Variants in SGCE observed in about 807,000 individuals in gnomAD.
SGCE encodes sarcoglycan epsilon.
Under a neutral mutation model 57.8 loss-of-function variants are expected in SGCE, and 26 were observed. The observed-to-expected ratio is 0.45, with a 90% CI of 0.33 to 0.62. The LOEUF is 0.62. Ranked by LOEUF, SGCE falls within the 20% of genes least tolerant of loss-of-function variation. The probability of loss-of-function intolerance (pLI) is 0.02; values close to 1 mark genes in which losing one functional copy is unlikely to be tolerated. For synonymous variants in SGCE, 183 were observed against 189.5 expected, an observed-to-expected ratio of 0.97 and a Z score of 0.28; for missense variants, 468 against 548.6, an observed-to-expected ratio of 0.85 and a Z score of 1.47.
chr7:94,625,848 G>A (rs1272955251), intron 3 of SGCE: 4 of 152,018 alleles, frequency 2.6e-5, no homozygotes, highest in African/African-American at 4.8e-5. Flanking sequence ...AATGTTGCTT[G>A]ATGAGCATGA....
chr7:94,639,256 C>T, intron 1 of SGCE: 4 of 849,480 alleles, frequency 4.7e-6, no homozygotes, highest in Non-Finnish European at 7.2e-6. Flanking sequence ...AAAAGCCACA[C>T]ATGACTAAAA....
intron 4 of SGCE, chr7:94,619,757 CACA>C (rs1802488961): frequency 6.6e-6 from 1 of 152,162 alleles, no homozygotes; most frequent in Non-Finnish European, 1.5e-5. Context: ...ATTTAATTCT[CACA>C]ACAAGAGGGT....
chr7:94,619,768 G>T (rs1802491796), intron 4 of SGCE: 1 of 152,122 alleles, frequency 6.6e-6, no homozygotes, highest in African/African-American at 2.4e-5. Context: ...ACAACAAGAG[G>T]GTGTGTAGCT....
In SGCE at chr7:94,619,552, T is replaced by C. The variant is rs1398262610; in HGVS notation, c.464-596A>G. 2.0e-5 allele frequency: 3 copies of C among 152,304 alleles called. No individual in the cohort carries two copies. The East Asian group carries it at 5.8e-4, about 29-fold the overall frequency. The allele number at this position is 152,304 out of a possible 1,614,324, so 9.4% of individuals were successfully genotyped here. On this transcript the variant is annotated intron_variant, in intron 4 of 10. Transcript: ENST00000648936. ...AATTCAGCCTTTCAATATGAGAAAC[T>C]GTAAGTAAATATAATTTGTTACTCA...
At chr7:94,644,588 T>C (rs1584761541) in intron 1 of SGCE, 5 of 1,199,602 alleles carry the variant, frequency 4.2e-6, no homozygotes, top group South Asian at 1.3e-5. Flanking sequence ...TGAAATTTAA[T>C]CTGATTATCA....
chr7:94,617,396 T>C (rs2116870334), intron 5 of SGCE: 1 of 152,340 alleles, frequency 6.6e-6, no homozygotes, highest in South Asian at 2.1e-4. Context: ...CTTGTTTTTG[T>C]GCTGTTTCCT....
At chr7:94,593,824 A>G (rs1798019681) in intron 9 of SGCE, among the ~76,000 whole-genome samples, 1 of 152,130 alleles carries the variant, frequency 6.6e-6, no homozygotes, top group Non-Finnish European at 1.5e-5. Context: ...ATGTAGAGGA[A>G]TGTGAATAAC....
At chr7:94,599,401 C>G in intron 8 of SGCE, 1 of 386,600 alleles carries the variant, frequency 2.6e-6, no homozygotes, top group East Asian at 4.6e-5. Flanking sequence ...CATCTGTTCT[C>G]TGGTTTATAG....
intron 1 of SGCE, among the ~76,000 whole-genome samples, chr7:94,636,463 AT>A (rs1291196214): frequency 6.6e-6 from 1 of 152,160 alleles, no homozygotes; most frequent in Admixed American, 6.5e-5. Context: ...CATTTTATAG[AT>A]AACAAAATTG....
chr7:94,637,472 G>A (rs1277730314), intron 1 of SGCE, among the ~76,000 whole-genome samples: 3 of 152,096 alleles, frequency 2.0e-5, no homozygotes, highest in African/African-American at 7.2e-5. Context: ...CAAGATGGAG[G>A]GATCATTTCT....
At chr7:94,612,968 T>G (rs1215983064) in intron 5 of SGCE, among the ~76,000 whole-genome samples, 1 of 152,242 alleles carries the variant, frequency 6.6e-6, no homozygotes, top group African/African-American at 2.4e-5. Flanking sequence ...TTTGTCCCAC[T>G]GCTACAACTG....
In SGCE at chr7:94,603,763, ATATT is replaced by A. The variant is rs200224255; in HGVS notation, c.663-315_663-312del. 9.0e-3 allele frequency among the ~76,000 whole-genome samples: 1,369 copies of A among 152,280 alleles called. 18 individuals are homozygous for A. Among genetic ancestry groups the A allele is most frequent in the African/African-American group, 0.031 (1,294 of 41,570 alleles). On this transcript the variant is annotated intron_variant, in intron 5 of 10. Coordinates refer to ENST00000648936, the MANE Select transcript of SGCE (RefSeq NM_003919.3). ...AAACATGCATCATATTCTGATTACT[ATATT>A]TAGTAATTACTATATTTAGTAGATA...
intron 1 of SGCE, among the ~76,000 whole-genome samples, chr7:94,647,748 G>T (rs1387145230): frequency 1.3e-5 from 2 of 152,154 alleles, no homozygotes. Flanking sequence ...GGCCTCTACA[G>T]AGGTCTTCCT....
chr7:94,614,396 A>G (rs1443287413), intron 5 of SGCE, among the ~76,000 whole-genome samples: 2 of 152,162 alleles, frequency 1.3e-5, no homozygotes, highest in Non-Finnish European at 2.9e-5. Context: ...AGTATCAACC[A>G]TTTCCTGCAC....
At chr7:94,647,997 T>A (rs1050993432) in intron 1 of SGCE, among the ~76,000 whole-genome samples, 52 of 152,082 alleles carry the variant, frequency 3.4e-4, no homozygotes, top group African/African-American at 7.2e-5. Flanking sequence ...GTGTAAAAAG[T>A]TCCACGATAG....
chr7:94,655,653 T>G (rs1024343898), intron 1 of SGCE, among the ~76,000 whole-genome samples: 1 of 152,046 alleles, frequency 6.6e-6, no homozygotes, highest in Admixed American at 6.5e-5. Flanking sequence ...CCCCAGCTCT[T>G]TGCTACAGGG....
At chr7:94,651,493 A>G (rs1318834011) in intron 1 of SGCE, among the ~76,000 whole-genome samples, 1 of 152,230 alleles carries the variant, frequency 6.6e-6, no homozygotes, top group African/African-American at 2.4e-5. Context: ...ACACAGCAAT[A>G]CTGCTAATTA....
In SGCE at chr7:94,588,725, G is replaced by T. The variant is rs1797246960; in HGVS notation, c.1261C>A (p.Pro421Thr). 1.2e-6 allele frequency: 2 copies of T among 1,611,992 alleles called. No homozygotes were observed. Among genetic ancestry groups the T allele is most frequent in the Non-Finnish European group, 1.7e-6 (2 of 1,178,332 alleles). Residue 421 changes from proline (P) to threonine (T), a missense_variant, in exon 10 of 11, where the codon CCA becomes ACA. By Grantham distance (38) the Pro-to-Thr change is conservative. Transcript: ENST00000648936. The stretch of plus-strand genomic sequence containing the variant: ...TGTTGGGGAATCTGAGTCTGATGTG[G>T]CAAGTTCCTAGAAATGATGAACATT... ...MPLMQTQQNL[P>T]HQTQIPQQQT...
At chr7:94,639,066 T>C (rs1348906770) in intron 1 of SGCE, among the ~76,000 whole-genome samples, 1 of 152,162 alleles carries the variant, frequency 6.6e-6, no homozygotes, top group Non-Finnish European at 1.5e-5. Flanking sequence ...AGTGACTGGA[T>C]AAAAGGTAAG....
Sources: allele counts gnomAD v4.1 joint callset (sites outside exome capture counted in the v4.1 genomes callset), GRCh38; gene constraint gnomAD v4.1.1; transcripts MANE v1.5; gene names NCBI Gene and HGNC (gene_info 2026-07-23, HGNC 2026-07-21).